Variants in MORN1 observed in about 807,000 individuals in gnomAD.
MORN1 encodes MORN repeat-containing protein 1.
Under a neutral mutation model 61.9 loss-of-function variants are expected in MORN1, and 67 were observed. The ratio of observed to expected loss-of-function variants is 1.08; its 90% CI spans 0.89 to 1.33. The LOEUF is 1.33. MORN1 is among the 40% of genes most tolerant of loss of function. MORN1 has a pLI of 0.00. For missense variants in MORN1, 752 were observed against 691.2 expected (o/e 1.09, Z -0.99); for synonymous variants, 301 against 292.0 (o/e 1.03, Z -0.31).
At chr1:2,363,805 C>CAAACAAACAAACAA (rs140866260) in intron 8 of MORN1, among the ~76,000 whole-genome samples, 1 of 124,854 alleles carries the variant, frequency 8.0e-6, no homozygotes, top group African/African-American at 3.2e-5. Flanking sequence ...AACAAACAAA[C>CAAACAAACAAACAA]AAAAAAATAT....
In MORN1 at chr1:2,370,176, T is replaced by C. The variant is rs146096842; in HGVS notation, c.745+2305A>G. 9.1e-4 allele frequency among the ~76,000 whole-genome samples: 138 copies of C among 151,986 alleles called. 3 individuals carry two copies. The East Asian group carries it at 0.025, about 27-fold the overall frequency. ...ACAGATCAGTGGAGCAGACGGGGGG[T>C]CCAGGCATCAACCCTGACTCTTAGG... On this transcript the variant is annotated intron_variant, in intron 8 of 13. Transcript: ENST00000378531.
At chr1:2,358,234 CAA>C (rs935427601) in intron 9 of MORN1, among the ~76,000 whole-genome samples, 5 of 152,102 alleles carry the variant, frequency 3.3e-5, no homozygotes, top group African/African-American at 4.8e-5. Flanking sequence ...CTGGCTGCAC[CAA>C]GAGAGGCCTG....
intron 4 of MORN1, 34 bp from the exon 5 acceptor site, chr1:2,385,931 G>A (rs981413341): frequency 5.5e-5 from 87 of 1,584,328 alleles, no homozygotes; most frequent in Non-Finnish European, 7.1e-5. Flanking sequence ...ACTTGGCTTT[G>A]TGCCTCCTCC....
At chr1:2,385,680 C>T in intron 5 of MORN1, 127 bp downstream of exon 5, 1 of 782,646 alleles carries the variant, frequency 1.3e-6, no homozygotes, top group Non-Finnish European at 2.2e-6. Flanking sequence ...GGCGGGTAGA[C>T]AGCAGGGGCC....
intron 1 of MORN1, chr1:2,390,698 T>G: frequency 1.0e-6 from 1 of 985,116 alleles, no homozygotes; most frequent in Non-Finnish European, 1.2e-6. Context: ...TAGCTCTGAG[T>G]TCATTCCAGA....
chr1:2,325,350 C>T (rs537374667), intron 12 of MORN1, among the ~76,000 whole-genome samples: 47 of 149,704 alleles, frequency 3.1e-4, no homozygotes, highest in African/African-American at 1.1e-3. Context: ...CTCTGTGACC[C>T]AGGCTAGAGT....
chr1:2,352,354 C>T (rs547534594), intron 10 of MORN1: 149 of 158,438 alleles, frequency 9.4e-4, no homozygotes, highest in African/African-American at 3.4e-3. Flanking sequence ...ACTGGGGTCC[C>T]CAGTGGCTGG....
chr1:2,371,191 A>G, intron 8 of MORN1: 1 of 151,556 alleles, frequency 6.6e-6, no homozygotes, highest in Non-Finnish European at 1.5e-5. Flanking sequence ...CCCGGGTGAC[A>G]CAGCGAGACT....
At chr1:2,349,949 G>A (rs1308259207) in intron 10 of MORN1, among the ~76,000 whole-genome samples, 2 of 152,164 alleles carry the variant, frequency 1.3e-5, no homozygotes, top group Admixed American at 6.5e-5. Context: ...GCCTCTCTAC[G>A]TTCCCAAATC....
intron 5 of MORN1, 106 bp downstream of exon 5, chr1:2,385,701 C>G (rs935475688): frequency 2.9e-6 from 3 of 1,028,986 alleles, no homozygotes; most frequent in Admixed American, 3.5e-5. Flanking sequence ...GGAACAGGCC[C>G]GGGGTGTCCC....
At chr1:2,377,574 CTT>C (rs1642270564) in intron 6 of MORN1, 1 of 152,342 alleles carries the variant, frequency 6.6e-6, no homozygotes, top group Non-Finnish European at 1.5e-5. Context: ...TGTGAGTGCT[CTT>C]CTTTCTCCCA....
chr1:2,361,605 C>A (rs1378806062), intron 8 of MORN1, among the ~76,000 whole-genome samples: 1 of 152,022 alleles, frequency 6.6e-6, no homozygotes, highest in Non-Finnish European at 1.5e-5. Flanking sequence ...CAAAGTCAAA[C>A]TTCTGGAGAT....
At chr1:2,388,191 G>A (rs926154698) in intron 3 of MORN1, 48 bp downstream of exon 3, 25 of 1,471,436 alleles carry the variant, frequency 1.7e-5, no homozygotes, top group Non-Finnish European at 2.2e-5. Context: ...AACTGAGCCC[G>A]ATGGGTTATG....
At chr1:2,322,859 G>T in intron 13 of MORN1, 1 of 985,446 alleles carries the variant, frequency 1.0e-6, no homozygotes, top group Non-Finnish European at 1.2e-6. Flanking sequence ...CGGCGGATGG[G>T]AAGGGTGGGC....
intron 12 of MORN1, among the ~76,000 whole-genome samples, chr1:2,328,960 G>C (rs993018074): frequency 6.6e-6 from 1 of 152,228 alleles, no homozygotes; most frequent in Non-Finnish European, 1.5e-5. Flanking sequence ...GGGAGATGAC[G>C]GTGGTTTTGT....
intron 12 of MORN1, among the ~76,000 whole-genome samples, chr1:2,330,724 G>A (rs1641130058): frequency 6.6e-6 from 1 of 152,198 alleles, no homozygotes; most frequent in Admixed American, 6.5e-5. Context: ...ACACAAGGTC[G>A]CCGCGCACAC....
intron 6 of MORN1, among the ~76,000 whole-genome samples, chr1:2,381,199 A>G (rs747042209): frequency 7.2e-5 from 11 of 152,258 alleles, no homozygotes; most frequent in Non-Finnish European, 1.5e-4. Context: ...TCTGGCAGCC[A>G]CGGCTGTGCT....
rs189313736 is a variant in MORN1 at position 2,328,987 on chromosome 1, C to T, written c.1251-4844G>A. On this transcript the variant is annotated intron_variant, in intron 12 of 13. Transcript: ENST00000378531. ...TGGTTTTGTGACTGCTTTCCCAGGTCGAAGAAGGTCAGAGCTTGGATTCTT... is the reference window on the plus strand; with the variant it reads ...TGGTTTTGTGACTGCTTTCCCAGGTTGAAGAAGGTCAGAGCTTGGATTCTT... 5.3e-5 allele frequency among the ~76,000 whole-genome samples: 8 copies of T among 152,326 alleles called. No individual in the cohort carries two copies. The East Asian group carries it at 5.8e-4, about 11-fold the overall frequency.
At chr1:2,390,624 G>A (rs569945073) in intron 1 of MORN1, 54 of 985,270 alleles carry the variant, frequency 5.5e-5, no homozygotes, top group Non-Finnish European at 6.3e-5. Flanking sequence ...GAGGGCAGGG[G>A]GTTACTACAG....
Sources: gnomAD v4.1 joint callset for allele counts (sites outside exome capture counted in the v4.1 genomes callset) on GRCh38, gnomAD v4.1.1 for gene constraint, MANE v1.5 for transcripts, NCBI Gene and HGNC (gene_info 2026-07-23, HGNC 2026-07-21) for gene names.